DHRS4L2: variants seen among roughly 807,000 people sequenced by gnomAD.
DHRS4L2 encodes dehydrogenase/reductase 4 like 2.
Under a neutral mutation model 23.9 loss-of-function variants are expected in DHRS4L2, and 22 were observed. The observed-to-expected ratio is 0.92, with a 90% confidence interval of 0.66 to 1.31. DHRS4L2 has a LOEUF of 1.31. DHRS4L2 is among the 40% of genes most tolerant of loss of function. The pLI is 0.00. For missense variants in DHRS4L2, 385 were observed against 303.3 expected (o/e 1.27, Z -2.00); for synonymous variants, 141 against 123.7 (o/e 1.14, Z -0.93).
chr14:23,973,476 G>C lies in DHRS4L2; in HGVS notation c.-176+3144G>C, dbSNP rs184286361. ...GAAGGGCTCCTCAAGCGTGGCCAGA[G>C]TGGGTGCTGAGGCTGAGGAGGTGCC... On this transcript the variant is annotated intron_variant, in intron 1 of 5. Transcript: ENST00000534993. 1.2e-3 allele frequency among the ~76,000 whole-genome samples: 182 copies of C among 152,128 alleles called. 2 individuals carry two copies. Among genetic ancestry groups the C allele is most frequent in the African/African-American group, 4.2e-3 (175 of 41,426 alleles).
At chr14:23,980,779 A>G (rs2034036677) in intron 1 of DHRS4L2, among the ~76,000 whole-genome samples, 1 of 151,480 alleles carries the variant, frequency 6.6e-6, no homozygotes, top group South Asian at 2.1e-4. Flanking sequence ...AACTCTCAAT[A>G]AACTAGGTAT....
intron 5 of DHRS4L2, 117 bp downstream of exon 5, chr14:24,001,201 C>T: frequency 1.9e-6 from 3 of 1,593,316 alleles, no homozygotes; most frequent in Non-Finnish European, 2.6e-6. Context: ...AAGTCCCTGC[C>T]CACAAAATAG....
intron 2 of DHRS4L2, among the ~76,000 whole-genome samples, chr14:23,994,780 T>C (rs979693950): frequency 3.3e-5 from 5 of 151,692 alleles, no homozygotes; most frequent in African/African-American, 1.2e-4. Flanking sequence ...ATTTTGACAA[T>C]AGTTCTTAAG....
intron 1 of DHRS4L2, among the ~76,000 whole-genome samples, chr14:23,970,799 G>A (rs2138498209): frequency 6.6e-6 from 1 of 152,146 alleles, no homozygotes; most frequent in Middle Eastern, 3.4e-3. Context: ...AATATTTGCT[G>A]TTCTGCAGCC....
chr14:23,981,172 G>C (rs542491576), intron 1 of DHRS4L2, among the ~76,000 whole-genome samples: 3 of 151,652 alleles, frequency 2.0e-5, no homozygotes, highest in African/African-American at 7.3e-5. Context: ...AATAGACAGA[G>C]AGCCAAATCA....
intron 2 of DHRS4L2, among the ~76,000 whole-genome samples, chr14:23,992,886 TC>T (rs1382716802): frequency 3.4e-5 from 5 of 146,446 alleles, no homozygotes; most frequent in African/African-American, 5.1e-5. Context: ...GGGCTGTATT[TC>T]CCAGGCTGTT....
chr14:23,984,444 C>G (rs1594458583), upstream of DHRS4L2, among the ~76,000 whole-genome samples: 1 of 151,660 alleles, frequency 6.6e-6, no homozygotes, highest in East Asian at 1.9e-4. Context: ...TGAAGTGTAG[C>G]TATACAACAC....
rs2138569498 is a variant in DHRS4L2, at chr14:24,006,187, T to C, written c.*324T>C. On this transcript the variant is annotated 3_prime_UTR_variant, in exon 8 of 8. Transcript: ENST00000335125. Reference sequence around the variant, plus strand: ...GTCTTACTCGGGATTCCTGCTGTTGTTGTGGCCTTGGGTAAAGGCCTCCCC... The same window carrying C: ...GTCTTACTCGGGATTCCTGCTGTTGCTGTGGCCTTGGGTAAAGGCCTCCCC... 1.6e-6 allele frequency: 2 copies of C among 1,271,382 alleles called. No individual in the cohort carries two copies. The highest frequency in any genetic ancestry group is 1.7e-5 in the South Asian group (1 of 60,244). 78.8% of individuals were successfully genotyped at this position (1,271,382 alleles called of 1,614,324 possible). A position where few individuals can be genotyped will look rare whatever the true frequency, so the allele number is the denominator to read the frequency against.
intron 1 of DHRS4L2, among the ~76,000 whole-genome samples, chr14:23,982,604 A>G (rs2034074006): frequency 6.6e-6 from 1 of 151,568 alleles, no homozygotes; most frequent in Non-Finnish European, 1.5e-5. Context: ...TACCAAACAG[A>G]TATCTAGACC....
intron 1 of DHRS4L2, among the ~76,000 whole-genome samples, chr14:23,989,475 G>C (rs3783440): frequency 0.44 from 67,106 of 150,978 alleles, 17,080 homozygotes; most frequent in East Asian, 0.76. Context: ...TCCAGAAAGT[G>C]TCCCGGAACC....
intron 2 of DHRS4L2, among the ~76,000 whole-genome samples, chr14:23,993,805 T>G (rs2138543239): frequency 6.6e-6 from 1 of 151,808 alleles, no homozygotes; most frequent in Non-Finnish European, 1.5e-5. Flanking sequence ...AAATTCAGGC[T>G]GGTATCTTCT....
chr14:23,998,693 A>C (rs2034429996), intron 3 of DHRS4L2, among the ~76,000 whole-genome samples: 1 of 151,800 alleles, frequency 6.6e-6, no homozygotes, highest in Non-Finnish European at 1.5e-5. Context: ...TTTTCTGATT[A>C]GGCTTTGGCT....
chr14:23,986,688 C>T (rs186490724), upstream of DHRS4L2, among the ~76,000 whole-genome samples: 588 of 151,540 alleles, frequency 3.9e-3, 12 homozygotes, highest in African/African-American at 0.013. Context: ...CCCTCAGCCC[C>T]TCAGTGGGCC....
In DHRS4L2 at chr14:24,001,473, G is replaced by A; in HGVS notation, c.621G>A (p.Val207=). The change falls in exon 6 of 8, where the codon GTG becomes GTA. Residue 207 remains valine, a synonymous_variant. Coordinates refer to ENST00000335125, the MANE Select transcript of DHRS4L2 (RefSeq NM_198083.4). ...AIELAPRNIR[V]NCLHLDLSRL... ...AGCTGGCCCCAAGGAACATTAGGGT[G>A]AACTGCCTGCACCTGGACTTATCAA... is the stretch of plus-strand genomic sequence containing the variant. 6.2e-7 allele frequency: 1 copy of A among 1,603,682 alleles called. No individual in the cohort carries two copies.
At chr14:24,001,957 C>CTTGTTTTTTTTTTTTTTTTT (rs2034497756) in intron 6 of DHRS4L2, among the ~76,000 whole-genome samples, 1 of 5,516 alleles carries the variant, frequency 1.8e-4, no homozygotes, top group Non-Finnish European at 2.2e-4. Context: ...CTTTCCTCTT[C>CTTGTTTTTTTTTTTTTTTTT]TTTTTTTTTT....
At chr14:24,001,971 T>TTTTTTTC (rs2034499263) in intron 6 of DHRS4L2, among the ~76,000 whole-genome samples, 1 of 42,016 alleles carries the variant, frequency 2.4e-5, no homozygotes, top group Non-Finnish European at 3.4e-5. Context: ...TTTTTTTTTT[T>TTTTTTTC]TTCTTTTTTA....
chr14:23,988,992 G>C lies in DHRS4L2; in HGVS notation c.45G>C (p.Lys15Asn), dbSNP rs147724387. 668 of 1,611,270 alleles carry C rather than the reference G, an allele frequency of 4.1e-4. 20 individuals are homozygous for C. The East Asian group carries it at 0.013, about 32-fold the overall frequency. ...RLLGLCAWARKSVRMASSRMT... is the reference protein window; with the variant it reads ...RLLGLCAWARNSVRMASSRMT... The stretch of plus-strand genomic sequence containing the variant: ...TAGGCCTCTGTGCCTGGGCACGGAA[G>C]TCGGTGCGGATGGCCAGCTCCAGGA... The change falls in exon 1 of 8, where the codon AAG becomes AAC. Residue 15 changes from lysine (K) to asparagine (N), a missense_variant. By Grantham distance (94) the Lys-to-Asn change is moderately conservative. Coordinates refer to ENST00000335125, the MANE Select transcript of DHRS4L2 (RefSeq NM_198083.4).
chr14:23,988,839 G>C, upstream of DHRS4L2: 1 of 1,449,214 alleles, frequency 6.9e-7, no homozygotes, highest in South Asian at 1.4e-5. Flanking sequence ...AGCTGGCCGA[G>C]GGCGGGAAGG....
chr14:23,982,359 G>A (rs1210006662), intron 1 of DHRS4L2, among the ~76,000 whole-genome samples: 31 of 151,624 alleles, frequency 2.0e-4, no homozygotes, highest in Admixed American at 2.0e-3. Flanking sequence ...CAAGGTCGGG[G>A]CTAAAGTTAC....
Sources: allele counts gnomAD v4.1 joint callset (sites outside exome capture counted in the v4.1 genomes callset), GRCh38; gene constraint gnomAD v4.1.1; transcripts MANE v1.5; gene names NCBI Gene and HGNC (gene_info 2026-07-23, HGNC 2026-07-21).